The following RHOF variants were observed in gnomAD, a reference collection of about 807,000 sequenced individuals.
The protein encoded by RHOF is ras homolog family member F, filopodia associated, also known as rho-related GTP-binding protein RhoF.
A neutral mutation model predicts 22.2 loss-of-function variants in RHOF; 21 were observed. That is an observed-to-expected ratio of 0.95 (90% CI 0.67 to 1.36). The LOEUF (loss-of-function observed/expected upper bound fraction) is 1.36. RHOF is among the 40% of genes most tolerant of loss of function. RHOF has a pLI of 0.00. For synonymous variants in RHOF, 135 were observed against 131.2 expected, an observed-to-expected ratio of 1.03 and a Z score of -0.20; for missense variants, 285 against 293.7, an observed-to-expected ratio of 0.97 and a Z score of 0.22.
rs537689661 is a variant in RHOF, at chr12:121,790,225, G to A, written c.226+2927C>T. Among the ~76,000 whole-genome samples, 6 of 152,388 alleles carry A rather than the reference G, an allele frequency of 3.9e-5. No individual in the cohort carries two copies. In the East Asian group the frequency reaches 1.2e-3, roughly 29 times the overall value. On this transcript the variant is annotated intron_variant, in intron 2 of 4. Coordinates refer to ENST00000267205, the MANE Select transcript of RHOF (RefSeq NM_019034.3). The stretch of plus-strand genomic sequence containing the variant: ...GCCCAGGACCAGCGTTTGGTCCTGG[G>A]TGTGGAGAAATTCAGCCTCTGAGAG...
In RHOF at chr12:121,780,906, C is replaced by T. The variant is rs753911093; in HGVS notation, c.437G>A (p.Arg146Gln). 1.8e-5 allele frequency: 29 copies of T among 1,613,700 alleles called. No individual in the cohort carries two copies. The highest frequency in any genetic ancestry group is 8.3e-5 in the Admixed American group (5 of 59,990). ...RKDKEQLRKL[R>Q]AAQLEPITYM... ...GGTGATGGGCTCCAGCTGGGCGGCC[C>T]GGAGCTTCCGCAGCTGCTCCTTGTC... The change falls in exon 4 of 5, where the codon CGG (arginine) becomes CAG (glutamine). Residue 146 changes from arginine to glutamine, a missense_variant. Arg to Gln is a conservative substitution (Grantham distance 43). Transcript: ENST00000267205.
intron 2 of RHOF, among the ~76,000 whole-genome samples, chr12:121,790,877 T>A (rs980786669): frequency 1.5e-4 from 23 of 152,200 alleles, no homozygotes; most frequent in African/African-American, 5.3e-4. Flanking sequence ...TAATTTTTTT[T>A]AATTTTTATT....
Position 121,777,965 on chromosome 12 carries a change from C to G in RHOF, c.*1533G>C, listed in dbSNP as rs1038721319. 1 of 152,202 alleles carries G rather than the reference C, an allele frequency of 6.6e-6. No homozygotes were observed. Among genetic ancestry groups the G allele is most frequent in the Non-Finnish European group, 1.5e-5 (1 of 68,068 alleles). The allele number at this position is 152,202 out of a possible 1,614,324, so 9.4% of individuals were successfully genotyped here. On this transcript the variant is annotated 3_prime_UTR_variant, in exon 5 of 5. Transcript: ENST00000267205. ...TCAGAAGGCTCCTTCCTTTGGCAAC[C>G]TGACTTCTTGGAAGCTCAGGTTTAG...
chr12:121,787,248 C>T (rs542818420), intron 2 of RHOF, among the ~76,000 whole-genome samples: 67 of 152,276 alleles, frequency 4.4e-4, no homozygotes, highest in African/African-American at 1.3e-3. Context: ...AGGTGCCCTG[C>T]AGCCTTGGCA....
chr12:121,785,427 T>C (rs951732920), intron 2 of RHOF, among the ~76,000 whole-genome samples: 86 of 110,312 alleles, frequency 7.8e-4, no homozygotes, highest in African/African-American at 1.6e-3. Context: ...CTTTACTTTT[T>C]TTTTTTTTTT....
At chr12:121,785,802 C>T (rs1446144029) in intron 2 of RHOF, among the ~76,000 whole-genome samples, 4 of 152,100 alleles carry the variant, frequency 2.6e-5, no homozygotes, top group African/African-American at 7.2e-5. Context: ...TTAGTAGAGA[C>T]GGGGTTTCAC....
chr12:121,777,998 C>T lies in RHOF; in HGVS notation c.*1500G>A, dbSNP rs1874300975. On this transcript the variant is annotated 3_prime_UTR_variant, in exon 5 of 5. Transcript: ENST00000267205. ...TTGGAAGCTCAGGTTTAGCTGACGC[C>T]CCAGCACTGGGCCAGGGGGGCTGAG... The T allele has an allele frequency of 6.6e-6, 1 of 152,186 alleles. No homozygotes were observed. The highest frequency in any genetic ancestry group is 1.5e-5 in the Non-Finnish European group (1 of 68,064). The allele number at this position is 152,186 out of a possible 1,614,324, so 9.4% of individuals were successfully genotyped here.
intron 4 of RHOF, 118 bp from the exon 5 acceptor site, chr12:121,779,780 C>T (rs1874379271): frequency 9.4e-7 from 1 of 1,064,250 alleles, no homozygotes; most frequent in East Asian, 2.5e-5. Context: ...TGGTTTGGGC[C>T]TGTCTGTCTC....
chr12:121,788,582 T>G (rs1458638189), intron 2 of RHOF, among the ~76,000 whole-genome samples: 1 of 152,000 alleles, frequency 6.6e-6, no homozygotes, highest in East Asian at 1.9e-4. Flanking sequence ...CTCATATGAG[T>G]CAGGAGGGTC....
In RHOF at chr12:121,786,940, A is replaced by G. The variant is rs567332459; in HGVS notation, c.227-5748T>C. 1.3e-3 allele frequency among the ~76,000 whole-genome samples: 199 copies of G among 152,278 alleles called. 2 individuals carry two copies. The highest frequency in any genetic ancestry group is 0.011 in the Admixed American group (164 of 15,282). On this transcript the variant is annotated intron_variant, in intron 2 of 4. Coordinates refer to ENST00000267205, the MANE Select transcript of RHOF (RefSeq NM_019034.3). ...GTAGTCCCAGCTACTTGGGAGGCTG[A>G]GGCTGGAGAATTGCTTGAACCCAGG...
At chr12:121,788,086 A>C (rs1476500616) in intron 2 of RHOF, among the ~76,000 whole-genome samples, 3 of 151,942 alleles carry the variant, frequency 2.0e-5, no homozygotes, top group African/African-American at 7.3e-5. Flanking sequence ...AAAGCCCTTC[A>C]CCTGGATTAA....
chr12:121,793,442 G>C, intron 1 of RHOF, 54 bp downstream of exon 1: 1 of 1,531,806 alleles, frequency 6.5e-7, no homozygotes. Context: ...GGGGCTCTGG[G>C]CTCAGGGTAA....
At chr12:121,784,917 A>C (rs1284624226) in intron 2 of RHOF, among the ~76,000 whole-genome samples, 2 of 152,210 alleles carry the variant, frequency 1.3e-5, no homozygotes, top group Non-Finnish European at 2.9e-5. Flanking sequence ...CCCCCAGTGG[A>C]TGTTTGAAAC....
chr12:121,785,073 C>T (rs1287666056), intron 2 of RHOF, among the ~76,000 whole-genome samples: 1 of 152,184 alleles, frequency 6.6e-6, no homozygotes, highest in Non-Finnish European at 1.5e-5. Context: ...CCTGTAATCC[C>T]AGCACTTTGG....
At position 121,780,896 on chromosome 12, in the gene RHOF, C is replaced by G. The variant is rs775605500; in HGVS notation, c.447G>C (p.Gln149His). The G allele has an allele frequency of 1.2e-6, 2 of 1,613,680 alleles. No homozygotes were observed. The highest frequency in any genetic ancestry group is 3.3e-5 in the Admixed American group (2 of 60,000). ...KEQLRKLRAA[Q>H]LEPITYMQGL... Reference sequence around the variant, plus strand: ...CCTGCATGTAGGTGATGGGCTCCAGCTGGGCGGCCCGGAGCTTCCGCAGCT... The same window carrying G: ...CCTGCATGTAGGTGATGGGCTCCAGGTGGGCGGCCCGGAGCTTCCGCAGCT... Residue 149 changes from glutamine (Q) to histidine (H), a missense_variant, in exon 4 of 5, where the codon CAG (glutamine) becomes CAC (histidine). Transcript: ENST00000267205.
chr12:121,792,024 G>T (rs1874778250), intron 2 of RHOF, among the ~76,000 whole-genome samples: 1 of 152,230 alleles, frequency 6.6e-6, no homozygotes, highest in East Asian at 1.9e-4. Flanking sequence ...CTGTTTTGGG[G>T]TTGGCCCTAC....
rs1371729119 is a variant in RHOF, at chr12:121,793,332, G to A, written c.139-93C>T. On this transcript the variant is annotated intron_variant, in intron 1 of 4. Transcript: ENST00000267205. ...CTGTCCACCCCCCTCACTCGTCCCGGATCAGCCCCCCCTCACCCCGCTGGG... is the reference window on the plus strand; with the variant it reads ...CTGTCCACCCCCCTCACTCGTCCCGAATCAGCCCCCCCTCACCCCGCTGGG... The A allele has an allele frequency of 6.2e-6, 9 of 1,444,886 alleles. No individual in the cohort carries two copies. The East Asian group carries it at 2.2e-4, about 36-fold the overall frequency. 89.5% of individuals were successfully genotyped at this position (1,444,886 alleles called of 1,614,324 possible). A position where few individuals can be genotyped will look rare whatever the true frequency, so the allele number is the denominator to read the frequency against.
chr12:121,790,081 T>G (rs1468289864), intron 2 of RHOF, among the ~76,000 whole-genome samples: 1 of 152,190 alleles, frequency 6.6e-6, no homozygotes, highest in Non-Finnish European at 1.5e-5. Flanking sequence ...TTCTGAGCCC[T>G]GCGAGCCCCG....
In RHOF at chr12:121,779,438, CAATCGG is replaced by C. The variant is rs1416805828; in HGVS notation, c.*54_*59del. 2.5e-5 allele frequency: 39 copies of C among 1,577,580 alleles called. No individual in the cohort carries two copies. The highest frequency in any genetic ancestry group is 3.1e-5 in the Non-Finnish European group (36 of 1,162,144). On this transcript the variant is annotated 3_prime_UTR_variant, in exon 5 of 5. Coordinates refer to ENST00000267205, the MANE Select transcript of RHOF (RefSeq NM_019034.3). ...TCGGGATGGGGCAGCCTCCCTGGTG[CAATCGG>C]CACCTGGGCCCCCGGGCCCTGTCAG...
Sources: gnomAD v4.1 joint callset for allele counts (sites outside exome capture counted in the v4.1 genomes callset) on GRCh38, gnomAD v4.1.1 for gene constraint, MANE v1.5 for transcripts, NCBI Gene and HGNC (gene_info 2026-07-23, HGNC 2026-07-21) for gene names.